Variants in DISC1 observed in about 807,000 individuals in gnomAD.
The protein encoded by DISC1 is DISC1 scaffold protein, also known as disrupted in schizophrenia 1 protein.
In DISC1, 57 loss-of-function variants were observed where a neutral mutation model predicts 84.5. The ratio of observed to expected loss-of-function variants is 0.67; its 90% CI spans 0.55 to 0.84. DISC1 has a LOEUF of 0.84. DISC1 is among the 40% of genes least tolerant of loss of function. The probability of loss-of-function intolerance (pLI) is 0.00; values close to 1 mark genes in which losing one functional copy is unlikely to be tolerated. For synonymous variants in DISC1, 411 were observed against 415.2 expected (o/e 0.99, Z 0.12); for missense variants, 1,000 against 1,057.8 (o/e 0.95, Z 0.76).
chr1:231,782,460 C>T (rs2077498202), intron 6 of DISC1, among the ~76,000 whole-genome samples: 2 of 152,088 alleles, frequency 1.3e-5, no homozygotes, highest in Admixed American at 1.3e-4. Context: ...ATTGTCTCTG[C>T]AGACTTGAGC....
intron 1 of DISC1, among the ~76,000 whole-genome samples, chr1:231,677,159 C>G (rs2063234524): frequency 6.6e-6 from 1 of 152,118 alleles, no homozygotes; most frequent in Admixed American, 6.6e-5. Flanking sequence ...TGATATTTTC[C>G]TGATAGTTTG....
chr1:231,891,601 G>A (rs942299720), intron 9 of DISC1, among the ~76,000 whole-genome samples: 21 of 152,160 alleles, frequency 1.4e-4, no homozygotes, highest in African/African-American at 4.8e-4. Context: ...TGTAGGGGCT[G>A]CCCCTAGTTG....
chr1:231,852,001 A>G (rs564723870), intron 9 of DISC1, among the ~76,000 whole-genome samples: 3 of 152,186 alleles, frequency 2.0e-5, no homozygotes, highest in East Asian at 3.9e-4. Flanking sequence ...GCTGTGAGGT[A>G]TGGGACCTGT....
chr1:231,726,469 G>A lies in DISC1; in HGVS notation c.1118-23457G>A, dbSNP rs562443006. ...CAAGGAGGGAGAGAGGAAGCACTGAGTTACACATGCTCAGTCTTAGGTCCC... is the reference window on the plus strand; with the variant it reads ...CAAGGAGGGAGAGAGGAAGCACTGAATTACACATGCTCAGTCTTAGGTCCC... On this transcript the variant is annotated intron_variant, in intron 3 of 12. Transcript: ENST00000439617. Among the ~76,000 whole-genome samples the A allele has an allele frequency of 8.5e-5, 13 of 152,294 alleles. No homozygotes were observed. The South Asian group carries it at 2.7e-3, about 32-fold the overall frequency.
chr1:231,644,386 A>G (rs1341467444), intron 1 of DISC1, among the ~76,000 whole-genome samples: 1 of 152,218 alleles, frequency 6.6e-6, no homozygotes, highest in Non-Finnish European at 1.5e-5. Context: ...CCGGAAAGCT[A>G]CATATCCCAG....
chr1:231,874,267 C>T (rs1445799823), intron 9 of DISC1, among the ~76,000 whole-genome samples: 2 of 151,666 alleles, frequency 1.3e-5, no homozygotes, highest in Non-Finnish European at 2.9e-5. Context: ...AAGCGATTCT[C>T]CTGCCTCAGT....
intron 9 of DISC1, among the ~76,000 whole-genome samples, chr1:231,909,096 T>G (rs972033578): frequency 2.6e-5 from 4 of 152,204 alleles, no homozygotes; most frequent in African/African-American, 9.7e-5. Context: ...TTTCTAAATA[T>G]AAAATCATGT....
chr1:231,641,273 G>T (rs1157600053), intron 1 of DISC1, among the ~76,000 whole-genome samples: 1 of 152,166 alleles, frequency 6.6e-6, no homozygotes, highest in African/African-American at 2.4e-5. Context: ...GGCGTGTCTG[G>T]AGTTTGTTCC....
intron 9 of DISC1, among the ~76,000 whole-genome samples, chr1:231,912,115 G>A (rs567300083): frequency 2.6e-4 from 40 of 152,236 alleles, no homozygotes; most frequent in African/African-American, 7.0e-4. Context: ...CAATGGGTTC[G>A]AACATCCTCC....
At chr1:231,671,371 G>C (rs147928230) in intron 1 of DISC1, among the ~76,000 whole-genome samples, 2 of 151,478 alleles carry the variant, frequency 1.3e-5, no homozygotes, top group Admixed American at 1.3e-4. Flanking sequence ...TCTATTTTCA[G>C]CTGTAACTGT....
intron 9 of DISC1, among the ~76,000 whole-genome samples, chr1:231,920,426 C>T (rs1239632917): frequency 6.6e-6 from 1 of 152,198 alleles, no homozygotes; most frequent in Non-Finnish European, 1.5e-5. Flanking sequence ...TCCCCATCCT[C>T]CCCTCTCCCA....
At chr1:231,835,518 A>C (rs914560230) in intron 9 of DISC1, among the ~76,000 whole-genome samples, 3 of 152,186 alleles carry the variant, frequency 2.0e-5, no homozygotes, top group Non-Finnish European at 4.4e-5. Context: ...TCATCAGTTA[A>C]GGCAGGAACA....
chr1:231,801,161 C>T (rs1173542354), intron 8 of DISC1, among the ~76,000 whole-genome samples: 1 of 151,914 alleles, frequency 6.6e-6, no homozygotes, highest in Admixed American at 6.6e-5. Flanking sequence ...CAATTTGGTC[C>T]CTGGTGCAGT....
chr1:231,795,534 A>G (rs980247376), intron 7 of DISC1, among the ~76,000 whole-genome samples: 2 of 152,222 alleles, frequency 1.3e-5, no homozygotes, highest in African/African-American at 2.4e-5. Flanking sequence ...CTACAAAAGG[A>G]GCTGTCAATT....
At chr1:231,679,044 T>C (rs2063449068) in intron 1 of DISC1, among the ~76,000 whole-genome samples, 1 of 152,310 alleles carries the variant, frequency 6.6e-6, no homozygotes, top group African/African-American at 2.4e-5. Flanking sequence ...TTCTAATGGA[T>C]AGTGGATCAT....
intron 5 of DISC1, among the ~76,000 whole-genome samples, chr1:231,769,342 C>T (rs1190485804): frequency 2.0e-5 from 3 of 152,156 alleles, no homozygotes; most frequent in African/African-American, 7.2e-5. Context: ...CAGCGTTATA[C>T]ACAATAGCCA....
chr1:231,795,399 A>T lies in DISC1; in HGVS notation c.1689+103A>T. ...GGATACCTGGCTTCTGCAAAAAAAG[A>T]TGTAGACTTTGTCAAGCCATTTTGC... On this transcript the variant is annotated intron_variant, in intron 7 of 12. Coordinates refer to ENST00000439617, the MANE Select transcript of DISC1 (RefSeq NM_018662.3). 3 of 1,050,732 alleles carry T rather than the reference A, an allele frequency of 2.9e-6. No individual in the cohort carries two copies. The East Asian group carries it at 7.6e-5, about 27-fold the overall frequency. The allele number at this position is 1,050,732 out of a possible 1,614,324, so 65.1% of individuals were successfully genotyped here.
In DISC1 at chr1:231,626,834, C is replaced by G. The variant is rs1308405169; in HGVS notation, c.-34C>G. 2.1e-6 allele frequency: 3 copies of G among 1,422,132 alleles called. No homozygotes were observed. The African/African-American group carries it at 4.5e-5, about 22-fold the overall frequency. 88.1% of individuals were successfully genotyped at this position (1,422,132 alleles called of 1,614,324 possible). On this transcript the variant is annotated 5_prime_UTR_variant, in exon 1 of 13. Coordinates refer to ENST00000439617, the MANE Select transcript of DISC1 (RefSeq NM_018662.3). ...CCTCGGGGAAGGAGCAGGAGGCAGC[C>G]CAGGCGGAGCGGGAGGAGCTGGCAG...
chr1:231,696,842 C>T (rs975417992), intron 2 of DISC1, among the ~76,000 whole-genome samples: 3 of 152,222 alleles, frequency 2.0e-5, no homozygotes, highest in African/African-American at 2.4e-5. Context: ...TTTGTGTAAG[C>T]ACACTCTACG....
Sources: gnomAD v4.1 joint callset for allele counts (sites outside exome capture counted in the v4.1 genomes callset) on GRCh38, gnomAD v4.1.1 for gene constraint, MANE v1.5 for transcripts, NCBI Gene and HGNC (gene_info 2026-07-23, HGNC 2026-07-21) for gene names.